Variants in MRPL1 observed in about 807,000 individuals in gnomAD.
MRPL1 encodes the protein large ribosomal subunit protein uL1m.
A neutral mutation model predicts 38.0 loss-of-function variants in MRPL1; 28 were observed. That is an observed-to-expected ratio of 0.74 (90% CI 0.55 to 1.01). The LOEUF is 1.01. Among genes scored for constraint, MRPL1 ranks in the 50% least tolerant of loss-of-function variants. The pLI is 0.00. For missense variants in MRPL1, 358 were observed against 389.8 expected, an observed-to-expected ratio of 0.92 and a Z score of 0.69; for synonymous variants, 123 against 126.7, an observed-to-expected ratio of 0.97 and a Z score of 0.20.
At chr4:77,863,414 A>G (rs1735050302) in intron 1 of MRPL1, among the ~76,000 whole-genome samples, 2 of 151,084 alleles carry the variant, frequency 1.3e-5, no homozygotes, top group South Asian at 2.1e-4. Context: ...TTTCATCTTA[A>G]TAATTTCAAC....
At chr4:77,869,117 C>T (rs531350469) in intron 1 of MRPL1, among the ~76,000 whole-genome samples, 95 of 152,214 alleles carry the variant, frequency 6.2e-4, no homozygotes, top group African/African-American at 2.1e-3. Flanking sequence ...TAGATGGATA[C>T]GATTCCCTAG....
At chr4:77,894,712 A>T (rs1735876813) in intron 6 of MRPL1, among the ~76,000 whole-genome samples, 1 of 152,136 alleles carries the variant, frequency 6.6e-6, no homozygotes, top group Non-Finnish European at 1.5e-5. Context: ...CTAATAAGAA[A>T]GTTAAGGTCA....
At chr4:77,914,059 T>C (rs546535022) in intron 7 of MRPL1, among the ~76,000 whole-genome samples, 2 of 152,302 alleles carry the variant, frequency 1.3e-5, no homozygotes, top group African/African-American at 4.8e-5. Context: ...TGCATGTGTG[T>C]ATACATAAGT....
intron 4 of MRPL1, among the ~76,000 whole-genome samples, chr4:77,886,136 G>A (rs1735670622): frequency 1.3e-5 from 2 of 152,100 alleles, no homozygotes; most frequent in Admixed American, 1.3e-4. Flanking sequence ...GGTTCTGAAT[G>A]TAATATCCCT....
At chr4:77,938,799 C>T (rs1737051062) in intron 7 of MRPL1, among the ~76,000 whole-genome samples, 1 of 152,178 alleles carries the variant, frequency 6.6e-6, no homozygotes, top group African/African-American at 2.4e-5. Context: ...TAAGCATATG[C>T]ACCTAAACCC....
At chr4:77,885,216 AT>A in intron 3 of MRPL1, 39 bp from the exon 4 acceptor site, 6 of 1,442,740 alleles carry the variant, frequency 4.2e-6, no homozygotes, top group Non-Finnish European at 5.9e-6. Flanking sequence ...AATAGAAAAG[AT>A]TAACTTTACG....
intron 2 of MRPL1, among the ~76,000 whole-genome samples, chr4:77,879,897 G>T (rs1735497823): frequency 1.3e-5 from 2 of 152,146 alleles, no homozygotes; most frequent in African/African-American, 4.8e-5. Flanking sequence ...ATATTCTGTT[G>T]AATTGCTCAT....
At chr4:77,873,667 C>G (rs887355113) in intron 2 of MRPL1, among the ~76,000 whole-genome samples, 8 of 152,170 alleles carry the variant, frequency 5.3e-5, no homozygotes, top group African/African-American at 1.7e-4. Context: ...TGGCACTGTG[C>G]AAAATGATGA....
At chr4:77,868,618 A>G (rs1399411081) in intron 1 of MRPL1, among the ~76,000 whole-genome samples, 3 of 152,258 alleles carry the variant, frequency 2.0e-5, no homozygotes, top group Admixed American at 2.0e-4. Context: ...AATGTATATG[A>G]GAGACCTAAT....
chr4:77,886,624 T>C (rs528164751), intron 4 of MRPL1, among the ~76,000 whole-genome samples: 87 of 151,748 alleles, frequency 5.7e-4, no homozygotes, highest in African/African-American at 2.0e-3. Flanking sequence ...TGAGCCACCA[T>C]ACCCAGCCTG....
intron 7 of MRPL1, among the ~76,000 whole-genome samples, chr4:77,944,728 C>T (rs566872668): frequency 1.3e-4 from 20 of 152,160 alleles, no homozygotes; most frequent in Non-Finnish European, 2.4e-4. Context: ...ATTTTTCCAT[C>T]TTAAATGTAT....
At chr4:77,896,164 T>TA (rs1482145777) in intron 6 of MRPL1, among the ~76,000 whole-genome samples, 1 of 151,212 alleles carries the variant, frequency 6.6e-6, no homozygotes, top group Non-Finnish European at 1.5e-5. Context: ...TTTTTTTTTT[T>TA]AGCCTTGAGG....
At chr4:77,928,047 G>A (rs1488730613) in intron 7 of MRPL1, among the ~76,000 whole-genome samples, 1 of 152,198 alleles carries the variant, frequency 6.6e-6, no homozygotes, top group African/African-American at 2.4e-5. Flanking sequence ...TTTTTAAAGT[G>A]TAGACATGGT....
In MRPL1 at chr4:77,921,011, C is replaced by T. The variant is rs146291303; in HGVS notation, c.777+11639C>T. 1.9e-3 allele frequency among the ~76,000 whole-genome samples: 282 copies of T among 152,240 alleles called. 3 individuals carry two copies. The highest frequency in any genetic ancestry group is 6.1e-3 in the African/African-American group (254 of 41,550). Reference sequence around the variant, plus strand: ...TGGCTTCAAGTGATCTGCCCACGGTCGCCTCCCAAAGTGTTAGGATTACAG... The same window carrying T: ...TGGCTTCAAGTGATCTGCCCACGGTTGCCTCCCAAAGTGTTAGGATTACAG... On this transcript the variant is annotated intron_variant, in intron 7 of 8. Coordinates refer to ENST00000315567, the MANE Select transcript of MRPL1 (RefSeq NM_020236.4).
chr4:77,950,360 CACTCA>C (rs1737378932), intron 8 of MRPL1, among the ~76,000 whole-genome samples: 1 of 152,168 alleles, frequency 6.6e-6, no homozygotes, highest in African/African-American at 2.4e-5. Context: ...CATAGAGAAT[CACTCA>C]ACTCAATTGA....
chr4:77,897,594 A>G (rs796661657), intron 6 of MRPL1, among the ~76,000 whole-genome samples: 4 of 152,370 alleles, frequency 2.6e-5, no homozygotes, highest in African/African-American at 9.6e-5. Flanking sequence ...TGTCTTGTCC[A>G]AACGATATCC....
chr4:77,888,231 G>A (rs774608147), intron 5 of MRPL1, among the ~76,000 whole-genome samples: 1 of 152,138 alleles, frequency 6.6e-6, no homozygotes, highest in African/African-American at 2.4e-5. Flanking sequence ...TTCGCTGGAC[G>A]CAGTGGCTCA....
intron 5 of MRPL1, among the ~76,000 whole-genome samples, chr4:77,890,013 A>G (rs1399901710): frequency 6.6e-6 from 1 of 152,222 alleles, no homozygotes; most frequent in African/African-American, 2.4e-5. Context: ...AAAAAAGTCC[A>G]GGACCAGATG....
At chr4:77,863,709 C>T (rs1276245465) in intron 1 of MRPL1, among the ~76,000 whole-genome samples, 2 of 152,052 alleles carry the variant, frequency 1.3e-5, no homozygotes, top group African/African-American at 4.8e-5. Context: ...GCAGGTGATC[C>T]GCCCTCCTCG....
Sources: allele counts gnomAD v4.1 joint callset (sites outside exome capture counted in the v4.1 genomes callset), GRCh38; gene constraint gnomAD v4.1.1; transcripts MANE v1.5; gene names NCBI Gene and HGNC (gene_info 2026-07-23, HGNC 2026-07-21).